SPECC1L: variants seen among roughly 807,000 people sequenced by gnomAD.
SPECC1L encodes the protein cytospin-A.
Under a neutral mutation model 116.8 loss-of-function variants are expected in SPECC1L, and 40 were observed. The observed-to-expected ratio is 0.34, with a 90% confidence interval of 0.27 to 0.45. The LOEUF (loss-of-function observed/expected upper bound fraction) is 0.45. SPECC1L is among the 20% of genes least tolerant of loss of function. SPECC1L has a pLI of 1.00. For synonymous variants in SPECC1L, 504 were observed against 500.6 expected (o/e 1.01, Z -0.09); for missense variants, 1,110 against 1,373.6 (o/e 0.81, Z 3.03).
chr22:24,401,210 T>G (rs117071777), intron 14 of SPECC1L, among the ~76,000 whole-genome samples: 1,730 of 152,372 alleles, frequency 0.011, 12 homozygotes, highest in Middle Eastern at 0.027. Context: ...TAGGTCTCTT[T>G]CAGTTCATAA....
chr22:24,405,540 C>A (rs1379878243), intron 14 of SPECC1L, among the ~76,000 whole-genome samples: 1 of 151,952 alleles, frequency 6.6e-6, no homozygotes, highest in Non-Finnish European at 1.5e-5. Flanking sequence ...GCAAACTAAA[C>A]CCTAAAAATA....
chr22:24,394,378 G>A (rs529090257), intron 14 of SPECC1L, among the ~76,000 whole-genome samples: 47 of 152,178 alleles, frequency 3.1e-4, no homozygotes, highest in African/African-American at 1.1e-3. Flanking sequence ...AGCTGTCTGG[G>A]GTCCCTTTTA....
chr22:24,284,073 A>G lies in SPECC1L; in HGVS notation c.-38+7270A>G, dbSNP rs137961324. Among the ~76,000 whole-genome samples, 122 of 151,958 alleles carry G rather than the reference A, an allele frequency of 8.0e-4. 1 individual carries two copies. Among genetic ancestry groups the G allele is most frequent in the African/African-American group, 2.7e-3 (111 of 41,456 alleles). On this transcript the variant is annotated intron_variant, in intron 2 of 16. Coordinates refer to ENST00000314328, the MANE Select transcript of SPECC1L (RefSeq NM_015330.6). Reference sequence around the variant, plus strand: ...CATTGATCTCTGTTTTACGTTTTCTATTTCATTGATTTTTGCTTAGATGTT... The same window carrying G: ...CATTGATCTCTGTTTTACGTTTTCTGTTTCATTGATTTTTGCTTAGATGTT...
intron 2 of SPECC1L, among the ~76,000 whole-genome samples, chr22:24,277,526 T>C (rs1241458739): frequency 3.7e-4 from 52 of 139,032 alleles, no homozygotes; most frequent in East Asian, 2.5e-3. Context: ...TCATTAGTAG[T>C]CATTTCACAT....
intron 1 of SPECC1L, 39 bp downstream of exon 1, chr22:24,271,022 G>C (rs1422870905): frequency 6.6e-6 from 1 of 152,340 alleles, no homozygotes; most frequent in Non-Finnish European, 1.5e-5. Context: ...GTTCGCTGGC[G>C]GGTTGGTTTA....
intron 2 of SPECC1L, among the ~76,000 whole-genome samples, chr22:24,298,325 A>G (rs1426546330): frequency 6.6e-6 from 1 of 152,214 alleles, no homozygotes; most frequent in Non-Finnish European, 1.5e-5. Context: ...ATTCCATCAT[A>G]AGTTGAGCAG....
At chr22:24,412,919 G>A (rs1258392238) in intron 16 of SPECC1L, among the ~76,000 whole-genome samples, 1 of 58,372 alleles carries the variant, frequency 1.7e-5, no homozygotes, top group African/African-American at 3.9e-5. Flanking sequence ...TTTATCTCAC[G>A]TGAAACACCC....
intron 14 of SPECC1L, among the ~76,000 whole-genome samples, chr22:24,388,710 T>C (rs2042210222): frequency 6.6e-6 from 1 of 152,200 alleles, no homozygotes; most frequent in Admixed American, 6.5e-5. Flanking sequence ...GCAAACTCTC[T>C]TGCCATGTAA....
chr22:24,283,215 A>G lies in SPECC1L; in HGVS notation c.-38+6412A>G, dbSNP rs116881747. Among the ~76,000 whole-genome samples, 152 of 152,128 alleles carry G rather than the reference A, an allele frequency of 1.0e-3. 5 individuals are homozygous for G. The East Asian group carries it at 0.019, about 19-fold the overall frequency. On this transcript the variant is annotated intron_variant, in intron 2 of 16. Coordinates refer to ENST00000314328, the MANE Select transcript of SPECC1L (RefSeq NM_015330.6). ...TGCGTCAGCCTCAGGAGTAGCTGGG[A>G]CTACTGGCGCTGGCCACCATGCCCG...
intron 14 of SPECC1L, among the ~76,000 whole-genome samples, chr22:24,406,492 G>A (rs1036468118): frequency 6.6e-6 from 1 of 152,194 alleles, no homozygotes; most frequent in Non-Finnish European, 1.5e-5. Flanking sequence ...TGGTCTGTGG[G>A]ATCATTCTCC....
chr22:24,351,090 C>G (rs149674075), intron 11 of SPECC1L, among the ~76,000 whole-genome samples: 23 of 152,332 alleles, frequency 1.5e-4, no homozygotes, highest in Middle Eastern at 3.4e-3. Context: ...TCTCCACTCT[C>G]CACTGCTGCT....
chr22:24,276,654 T>C (rs1237839778), intron 1 of SPECC1L, 46 bp from the exon 2 acceptor site: 7 of 362,108 alleles, frequency 1.9e-5, no homozygotes, highest in African/African-American at 2.2e-5. Flanking sequence ...AAAAGAAATA[T>C]CTGCTAAAAT....
chr22:24,390,856 T>TTTTTTTTTTTC lies in SPECC1L; in HGVS notation c.3088-20727_3088-20717dup, dbSNP rs1569445705. ...GCTCTTCTTGGGCCTGTGTTCCTTT[T>TTTTTTTTTTTC]TTTTTTTTTTCTTTTCTTTTTTTTT... On this transcript the variant is annotated intron_variant, in intron 14 of 16. Coordinates refer to ENST00000314328, the MANE Select transcript of SPECC1L (RefSeq NM_015330.6). Among the ~76,000 whole-genome samples, 807 of 98,084 alleles carry TTTTTTTTTTTC rather than the reference T, an allele frequency of 8.2e-3. 29 individuals are homozygous for TTTTTTTTTTTC. Among genetic ancestry groups the TTTTTTTTTTTC allele is most frequent in the African/African-American group, 0.029 (717 of 25,124 alleles). 64.3% of individuals were successfully genotyped at this position (98,084 alleles called of 152,430 possible).
chr22:24,286,240 T>A (rs1944295063), intron 2 of SPECC1L, among the ~76,000 whole-genome samples: 1 of 152,258 alleles, frequency 6.6e-6, no homozygotes, highest in African/African-American at 2.4e-5. Flanking sequence ...AGTAACCTTT[T>A]ACTGAAAGTC....
In SPECC1L at chr22:24,327,651, A is replaced by T. The variant is rs186999202; in HGVS notation, c.2147-1195A>T. 1.2e-3 allele frequency among the ~76,000 whole-genome samples: 183 copies of T among 148,914 alleles called. 4 individuals carry two copies. In the East Asian group the frequency reaches 0.028, roughly 22 times the overall value. On this transcript the variant is annotated intron_variant, in intron 6 of 16. Coordinates refer to ENST00000314328, the MANE Select transcript of SPECC1L (RefSeq NM_015330.6). ...AAGTTCTGTCAATAGGATACTTATT[A>T]AAAAAAAAACAAAAACCTAGGTAAC...
At position 24,331,048 on chromosome 22, in the gene SPECC1L, T is replaced by C. The variant is rs62233124; in HGVS notation, c.2396+617T>C. ...ATTTTCACTTGTTTTATCTTATAAT[T>C]GCATGAATCTCCACAGTAGGTTTTT... On this transcript the variant is annotated intron_variant, in intron 8 of 16. Transcript: ENST00000314328. Among the ~76,000 whole-genome samples, 1,187 of 152,354 alleles carry C rather than the reference T, an allele frequency of 7.8e-3. 9 individuals are homozygous for C. Among genetic ancestry groups the C allele is most frequent in the South Asian group, 0.024 (117 of 4,832 alleles).
At chr22:24,291,278 T>C (rs1389075502) in intron 2 of SPECC1L, among the ~76,000 whole-genome samples, 1 of 152,200 alleles carries the variant, frequency 6.6e-6, no homozygotes, top group Non-Finnish European at 1.5e-5. Context: ...TTTTCGAACT[T>C]CTGAAAGCTA....
intron 3 of SPECC1L, among the ~76,000 whole-genome samples, chr22:24,307,857 A>G (rs1044002291): frequency 1.3e-5 from 2 of 151,542 alleles, no homozygotes; most frequent in Admixed American, 1.3e-4. Context: ...TTTTTTTCTA[A>G]AAGTGTTTTT....
chr22:24,341,394 T>A (rs2041174568), intron 10 of SPECC1L, among the ~76,000 whole-genome samples: 1 of 152,094 alleles, frequency 6.6e-6, no homozygotes, highest in Non-Finnish European at 1.5e-5. Context: ...GGGCAGGAAA[T>A]CATTTGAGTT....
Sources: allele counts gnomAD v4.1 joint callset (sites outside exome capture counted in the v4.1 genomes callset), GRCh38; gene constraint gnomAD v4.1.1; transcripts MANE v1.5; gene names NCBI Gene and HGNC (gene_info 2026-07-23, HGNC 2026-07-21).